Variants in SLC25A18 observed in about 807,000 individuals in gnomAD.
SLC25A18 encodes the protein mitochondrial glutamate carrier 2.
In SLC25A18, 24 loss-of-function variants were observed where a neutral mutation model predicts 31.1. The ratio of observed to expected loss-of-function variants is 0.77; its 90% confidence interval spans 0.56 to 1.08. The LOEUF (loss-of-function observed/expected upper bound fraction) is 1.08, where lower values mean the gene tolerates loss of function less well. Ranked by LOEUF, SLC25A18 falls within the 50% of genes least tolerant of loss-of-function variation. SLC25A18 has a pLI of 0.00. For synonymous variants in SLC25A18, 173 were observed against 161.9 expected (o/e 1.07, Z -0.52); for missense variants, 371 against 418.5 (o/e 0.89, Z 0.99).
intron 8 of SLC25A18, among the ~76,000 whole-genome samples, chr22:17,587,664 C>G (rs1004581507): frequency 1.3e-5 from 2 of 152,218 alleles, no homozygotes; most frequent in South Asian, 4.1e-4. Flanking sequence ...ACGCATTTCC[C>G]GCCTCGGACT....
intron 7 of SLC25A18, among the ~76,000 whole-genome samples, chr22:17,585,730 C>T (rs753720431): frequency 6.6e-6 from 1 of 150,530 alleles, no homozygotes; most frequent in Non-Finnish European, 1.5e-5. Context: ...CTCACTACAA[C>T]CTCTGCCTCC....
At chr22:17,570,914 G>A (rs2057070570) in intron 2 of SLC25A18, among the ~76,000 whole-genome samples, 1 of 152,238 alleles carries the variant, frequency 6.6e-6, no homozygotes, top group African/African-American at 2.4e-5. Flanking sequence ...AGCCAAGAAT[G>A]GGGTGACTCC....
In SLC25A18 at chr22:17,588,228, C is replaced by T; in HGVS notation, c.730+149C>T. The T allele has an allele frequency of 8.7e-6, 7 of 800,620 alleles. No homozygotes were observed. The South Asian group carries it at 1.3e-4, about 15-fold the overall frequency. The allele number at this position is 800,620 out of a possible 1,614,324, so 49.6% of individuals were successfully genotyped here. A position where few individuals can be genotyped will look rare whatever the true frequency, so the allele number is the denominator to read the frequency against. On this transcript the variant is annotated intron_variant, in intron 9 of 10. Transcript: ENST00000327451. ...AGGCCCTCATGGAGAAAGTGGGTCC[C>T]AAGAGACCTTCCTTCTGTTTCTCAT...
chr22:17,581,722 T>A, intron 5 of SLC25A18: 1 of 355,054 alleles, frequency 2.8e-6, no homozygotes, highest in Non-Finnish European at 5.1e-6. Context: ...GGACGGGGCC[T>A]GAGCTCCTGG....
chr22:17,565,108 C>T (rs1248527376), intron 1 of SLC25A18, among the ~76,000 whole-genome samples: 2 of 151,912 alleles, frequency 1.3e-5, no homozygotes, highest in African/African-American at 4.8e-5. Flanking sequence ...TTGAGACAGT[C>T]TTGCTCTGTC....
At position 17,585,651 on chromosome 22, in the gene SLC25A18, T is replaced by A. The variant is rs1320054416; in HGVS notation, c.410-1485T>A. The stretch of plus-strand genomic sequence containing the variant: ...ATTTATTTTATTATTATTATTATTA[T>A]TTTTTTTTTTTTTTTGAGGCAGAGT... On this transcript the variant is annotated intron_variant, in intron 7 of 10. Coordinates refer to ENST00000327451, the MANE Select transcript of SLC25A18 (RefSeq NM_031481.3). Among the ~76,000 whole-genome samples, 8 of 122,112 alleles carry A rather than the reference T, an allele frequency of 6.6e-5. No homozygotes were observed. The East Asian group carries it at 1.0e-3, about 16-fold the overall frequency. The allele number at this position is 122,112 out of a possible 152,430, so 80.1% of individuals were successfully genotyped here. A position where few individuals can be genotyped will look rare whatever the true frequency, so the allele number is the denominator to read the frequency against.
chr22:17,583,207 G>A (rs1202052824), intron 6 of SLC25A18, among the ~76,000 whole-genome samples: 1 of 152,202 alleles, frequency 6.6e-6, no homozygotes, highest in African/African-American at 2.4e-5. Flanking sequence ...CAGCTTCCAT[G>A]CGGTGCTACC....
intron 7 of SLC25A18, among the ~76,000 whole-genome samples, chr22:17,584,286 G>A (rs1237405910): frequency 2.0e-5 from 3 of 151,784 alleles, no homozygotes; most frequent in East Asian, 2.0e-4. Flanking sequence ...TCAGCTATCC[G>A]GGAGGCTGAG....
chr22:17,581,329 C>G (rs1357680612), intron 4 of SLC25A18, 29 bp from the exon 5 acceptor site: 1 of 1,613,508 alleles, frequency 6.2e-7, no homozygotes, highest in Admixed American at 1.7e-5. Context: ...CCGCTGCACA[C>G]TTACTCCTAC....
At chr22:17,570,844 C>T (rs1165039715) in intron 2 of SLC25A18, among the ~76,000 whole-genome samples, 4 of 152,164 alleles carry the variant, frequency 2.6e-5, no homozygotes, top group Non-Finnish European at 4.4e-5. Flanking sequence ...AAGTCAGTGT[C>T]AATGTAATGC....
intron 3 of SLC25A18, chr22:17,580,568 T>G: frequency 1.0e-6 from 1 of 990,508 alleles, no homozygotes; most frequent in Non-Finnish European, 1.2e-6. Flanking sequence ...CCAGGCACGG[T>G]TTCCATAGTC....
At chr22:17,577,225 T>C (rs1010201216) in intron 2 of SLC25A18, among the ~76,000 whole-genome samples, 1 of 152,008 alleles carries the variant, frequency 6.6e-6, no homozygotes, top group Non-Finnish European at 1.5e-5. Context: ...GGTTTCACCA[T>C]GTTAGCCAGG....
intron 9 of SLC25A18, 91 bp downstream of exon 9, chr22:17,588,170 G>GT: frequency 6.7e-7 from 1 of 1,489,616 alleles, no homozygotes; most frequent in Non-Finnish European, 9.1e-7. Flanking sequence ...GCCATACTGG[G>GT]TTGCAATCTG....
intron 1 of SLC25A18, among the ~76,000 whole-genome samples, chr22:17,564,870 T>A (rs1170372342): frequency 2.3e-4 from 18 of 78,310 alleles, no homozygotes; most frequent in South Asian, 4.1e-4. Context: ...AAAAAAAAAA[T>A]CAGGCCCAGG....
intron 7 of SLC25A18, among the ~76,000 whole-genome samples, chr22:17,584,805 A>AAT (rs1555951697): frequency 2.6e-5 from 4 of 151,378 alleles, no homozygotes; most frequent in African/African-American, 9.7e-5. Context: ...AAAAAAAAAA[A>AAT]AAAGAAATGC....
intron 4 of SLC25A18, 36 bp downstream of exon 4, chr22:17,581,195 G>C (rs551213683): frequency 5.7e-6 from 9 of 1,571,222 alleles, no homozygotes; most frequent in Non-Finnish European, 7.8e-6. Context: ...GGGCAGAGGC[G>C]CCCGGGGGAG....
At chr22:17,567,863 TAGTA>T (rs1056341992) in intron 1 of SLC25A18, among the ~76,000 whole-genome samples, 9 of 151,720 alleles carry the variant, frequency 5.9e-5, no homozygotes, top group African/African-American at 1.9e-4. Context: ...TTAATTTTTT[TAGTA>T]AGGCCATTTT....
chr22:17,575,833 T>A (rs1205134036), intron 2 of SLC25A18, among the ~76,000 whole-genome samples: 2 of 152,174 alleles, frequency 1.3e-5, no homozygotes, highest in South Asian at 4.1e-4. Flanking sequence ...ATGTAAATTG[T>A]GAATGCACTT....
intron 2 of SLC25A18, among the ~76,000 whole-genome samples, chr22:17,572,205 T>G (rs1246681952): frequency 2.0e-5 from 3 of 150,944 alleles, no homozygotes; most frequent in African/African-American, 2.4e-5. Flanking sequence ...GAGAATCGGC[T>G]GGGCACAGTG....
Sources: gnomAD v4.1 joint callset for allele counts (sites outside exome capture counted in the v4.1 genomes callset) on GRCh38, gnomAD v4.1.1 for gene constraint, MANE v1.5 for transcripts, NCBI Gene and HGNC (gene_info 2026-07-23, HGNC 2026-07-21) for gene names.